ABRAXAS2: variants seen among roughly 807,000 people sequenced by gnomAD.
The protein encoded by ABRAXAS2 is abraxas 2, BRISC complex subunit.
Under a neutral mutation model 49.0 loss-of-function variants are expected in ABRAXAS2, and 23 were observed. The ratio of observed to expected loss-of-function variants is 0.47; its 90% CI spans 0.34 to 0.66. ABRAXAS2 has a LOEUF of 0.66. Among genes scored for constraint, ABRAXAS2 ranks in the 30% least tolerant of loss-of-function variants. ABRAXAS2 has a pLI of 0.01. For synonymous variants in ABRAXAS2, 168 were observed against 180.2 expected (o/e 0.93, Z 0.54); for missense variants, 443 against 511.9 (o/e 0.87, Z 1.30).
chr10:124,834,989 T>G lies in ABRAXAS2; in HGVS notation c.*18T>G. ...AGATTTAACTAAACAAAAGAAACTCTCCACCTAGCACTGTTTTTCTTCATT... is the reference window on the plus strand; with the variant it reads ...AGATTTAACTAAACAAAAGAAACTCGCCACCTAGCACTGTTTTTCTTCATT... On this transcript the variant is annotated 3_prime_UTR_variant, in exon 9 of 9. Coordinates refer to ENST00000298492, the MANE Select transcript of ABRAXAS2 (RefSeq NM_032182.4). The G allele has an allele frequency of 6.4e-7, 1 of 1,552,256 alleles. No individual in the cohort carries two copies. The highest frequency in any genetic ancestry group is 8.7e-7 in the Non-Finnish European group (1 of 1,146,290).
intron 2 of ABRAXAS2, among the ~76,000 whole-genome samples, chr10:124,810,010 C>T (rs1950776353): frequency 6.6e-6 from 1 of 152,196 alleles, no homozygotes; most frequent in South Asian, 2.1e-4. Context: ...ACCTTGGCCT[C>T]CCAAAGTGCT....
chr10:124,828,232 T>C (rs1485286096), intron 5 of ABRAXAS2, among the ~76,000 whole-genome samples: 1 of 152,214 alleles, frequency 6.6e-6, no homozygotes, highest in Non-Finnish European at 1.5e-5. Flanking sequence ...GGTCTTACCC[T>C]GTGACCAGGC....
At chr10:124,812,964 G>A (rs1308904211) in intron 2 of ABRAXAS2, among the ~76,000 whole-genome samples, 1 of 152,180 alleles carries the variant, frequency 6.6e-6, no homozygotes, top group Non-Finnish European at 1.5e-5. Context: ...CACTTTGGGA[G>A]GCCAAGGCAG....
chr10:124,816,699 C>A, intron 3 of ABRAXAS2, 87 bp downstream of exon 3: 1 of 932,612 alleles, frequency 1.1e-6, no homozygotes, highest in Non-Finnish European at 1.7e-6. Context: ...CTGATTGTGG[C>A]TGTAAAGTCA....
intron 2 of ABRAXAS2, among the ~76,000 whole-genome samples, chr10:124,808,408 C>T (rs1950762544): frequency 6.6e-6 from 1 of 152,062 alleles, no homozygotes; most frequent in East Asian, 1.9e-4. Flanking sequence ...GATCTCCTGA[C>T]CTCGTGATCC....
At chr10:124,819,804 T>C (rs1224296636) in intron 4 of ABRAXAS2, among the ~76,000 whole-genome samples, 1 of 151,156 alleles carries the variant, frequency 6.6e-6, no homozygotes, top group East Asian at 1.9e-4. Flanking sequence ...AAAAAAAAAG[T>C]TGAACACAGG....
intron 3 of ABRAXAS2, among the ~76,000 whole-genome samples, chr10:124,816,930 C>G (rs1456754998): frequency 7.2e-5 from 11 of 152,096 alleles, no homozygotes; most frequent in Admixed American, 4.6e-4. Context: ...GTTTTGTGTT[C>G]AACTTTAAAA....
At chr10:124,826,342 T>G (rs1449375138) in intron 4 of ABRAXAS2, among the ~76,000 whole-genome samples, 1 of 152,106 alleles carries the variant, frequency 6.6e-6, no homozygotes, top group African/African-American at 2.4e-5. Context: ...AGTGAGGAGG[T>G]GTCTAGCTTC....
chr10:124,806,736 GA>G, intron 1 of ABRAXAS2, 94 bp from the exon 2 acceptor site: 1 of 819,826 alleles, frequency 1.2e-6, no homozygotes, highest in Non-Finnish European at 1.9e-6. Flanking sequence ...GGATTATTGT[GA>G]AAATTATAAA....
intron 4 of ABRAXAS2, among the ~76,000 whole-genome samples, chr10:124,825,048 C>G (rs1187027651): frequency 6.6e-6 from 1 of 152,022 alleles, no homozygotes; most frequent in Non-Finnish European, 1.5e-5. Context: ...AGGCCAGGCA[C>G]AGTGGCTCAA....
intron 4 of ABRAXAS2, among the ~76,000 whole-genome samples, chr10:124,824,891 T>C (rs535106564): frequency 2.0e-5 from 3 of 152,328 alleles, no homozygotes; most frequent in African/African-American, 7.2e-5. Flanking sequence ...TTTTACCTTT[T>C]TTATGGCCAC....
intron 5 of ABRAXAS2, among the ~76,000 whole-genome samples, chr10:124,827,091 CAAA>C (rs74221364): frequency 1.2e-5 from 1 of 84,446 alleles, no homozygotes; most frequent in Non-Finnish European, 2.5e-5. Flanking sequence ...GAATCCATCT[CAAA>C]AAAAAAAAAA....
intron 1 of ABRAXAS2, among the ~76,000 whole-genome samples, chr10:124,806,318 A>G (rs1421241482): frequency 1.3e-5 from 2 of 150,004 alleles, no homozygotes; most frequent in African/African-American, 2.5e-5. Context: ...AAAAAAAAGA[A>G]AAAAAAAAAG....
At chr10:124,807,669 TTTA>T (rs1950755941) in intron 2 of ABRAXAS2, among the ~76,000 whole-genome samples, 1 of 152,174 alleles carries the variant, frequency 6.6e-6, no homozygotes, top group Non-Finnish European at 1.5e-5. Context: ...ATGAAATGTT[TTTA>T]TGTCAGTATA....
intron 2 of ABRAXAS2, among the ~76,000 whole-genome samples, chr10:124,808,124 A>C (rs1475261780): frequency 6.6e-6 from 1 of 152,124 alleles, no homozygotes; most frequent in African/African-American, 2.4e-5. Flanking sequence ...ACCAAACTGC[A>C]TATCCTAATA....
At chr10:124,822,877 G>T (rs1016128687) in intron 4 of ABRAXAS2, among the ~76,000 whole-genome samples, 1 of 152,002 alleles carries the variant, frequency 6.6e-6, no homozygotes, top group Non-Finnish European at 1.5e-5. Context: ...GCATTTTTAA[G>T]GAGGTTTGCT....
rs141604749 is a variant in ABRAXAS2, at chr10:124,818,657, G to A, written c.201-727G>A. ...GCTTATAAGGCCCAGGTTTATGGTG[G>A]TAGGAAAGAAGTAGAGGTGTGGCTT... On this transcript the variant is annotated intron_variant, in intron 3 of 8. Coordinates refer to ENST00000298492, the MANE Select transcript of ABRAXAS2 (RefSeq NM_032182.4). Among the ~76,000 whole-genome samples, 180 of 152,242 alleles carry A rather than the reference G, an allele frequency of 1.2e-3. 1 individual carries two copies. Among genetic ancestry groups the A allele is most frequent in the Middle Eastern group, 3.4e-3 (1 of 294 alleles).
intron 8 of ABRAXAS2, among the ~76,000 whole-genome samples, chr10:124,832,840 T>G (rs957330429): frequency 6.8e-6 from 1 of 147,226 alleles, no homozygotes; most frequent in South Asian, 2.1e-4. Flanking sequence ...TGAGACTGTC[T>G]CAAAAAAAAT....
At chr10:124,802,693 C>T (rs1405670019) in intron 1 of ABRAXAS2, among the ~76,000 whole-genome samples, 2 of 152,128 alleles carry the variant, frequency 1.3e-5, no homozygotes, top group South Asian at 2.1e-4. Context: ...TCACTTCTCT[C>T]TTAAAGGAGG....
Sources: allele counts gnomAD v4.1 joint callset (sites outside exome capture counted in the v4.1 genomes callset), GRCh38; gene constraint gnomAD v4.1.1; transcripts MANE v1.5; gene names NCBI Gene and HGNC (gene_info 2026-07-23, HGNC 2026-07-21).